The following GLIS3 variants were observed in gnomAD, a reference collection of about 807,000 sequenced individuals.
GLIS3 encodes the protein zinc finger protein GLIS3.
GLIS3 carries 53 observed loss-of-function variants against 78.6 expected under a neutral mutation model. The observed-to-expected ratio is 0.67, with a 90% CI of 0.54 to 0.85. GLIS3 has a LOEUF of 0.85. GLIS3 is among the 40% of genes least tolerant of loss of function. GLIS3 has a pLI of 0.00. For missense variants in GLIS3, 1,703 were observed against 1,231.1 expected (o/e 1.38, Z -5.74); for synonymous variants, 684 against 509.9 (o/e 1.34, Z -4.60).
chr9:3,928,010 T>C (rs1475157982), intron 6 of GLIS3, among the ~76,000 whole-genome samples: 1 of 152,222 alleles, frequency 6.6e-6, no homozygotes, highest in South Asian at 2.1e-4. Flanking sequence ...AGCATCAGGA[T>C]ATTCAGGTAT....
At chr9:4,455,091 G>C in the GLIS3 span, among the ~76,000 whole-genome samples, 3 of 152,144 alleles carry the variant, frequency 2.0e-5, no homozygotes, top group African/African-American at 4.8e-5. Context: ...CTCCAAGATA[G>C]TAATCAATTT....
chr9:4,484,959 A>G, the GLIS3 span, among the ~76,000 whole-genome samples: 2 of 145,060 alleles, frequency 1.4e-5, no homozygotes, highest in African/African-American at 5.1e-5. Context: ...ACTCCTGTAG[A>G]TAACATCATC....
At chr9:4,420,240 T>A in the GLIS3 span, among the ~76,000 whole-genome samples, 10 of 152,184 alleles carry the variant, frequency 6.6e-5, no homozygotes, top group Non-Finnish European at 1.5e-4. Context: ...AATTTGAGAA[T>A]CAAGTCCACT....
chr9:4,455,605 C>G, the GLIS3 span, among the ~76,000 whole-genome samples: 1 of 152,104 alleles, frequency 6.6e-6, no homozygotes, highest in Non-Finnish European at 1.5e-5. Context: ...AGGATTTCTC[C>G]AGTCGCTTAT....
chr9:4,134,465 T>C (rs2130952508), intron 2 of GLIS3, among the ~76,000 whole-genome samples: 2 of 152,334 alleles, frequency 1.3e-5, no homozygotes, highest in South Asian at 2.1e-4. Flanking sequence ...AATGTAACTT[T>C]GGTCATTTAG....
At chr9:4,268,723 C>A (rs1386463172) in intron 2 of GLIS3, among the ~76,000 whole-genome samples, 1 of 152,166 alleles carries the variant, frequency 6.6e-6, no homozygotes. Context: ...TAGGAACCCA[C>A]ACTTGTTGAT....
In GLIS3 at chr9:3,828,104, C is replaced by T. The variant is rs1319821033; in HGVS notation, c.*168G>A. The stretch of plus-strand genomic sequence containing the variant: ...AAAGGAGCAACTGTAATGATTCCTG[C>T]AAAGCTAGCTCTGCCATTCAGTCCT... On this transcript the variant is annotated 3_prime_UTR_variant, in exon 11 of 11. Coordinates refer to ENST00000381971, the MANE Select transcript of GLIS3 (RefSeq NM_001042413.2). The T allele has an allele frequency of 2.7e-6, 2 of 733,142 alleles. No homozygotes were observed. Among genetic ancestry groups the T allele is most frequent in the East Asian group, 2.7e-5 (1 of 37,412 alleles). 45.4% of individuals were successfully genotyped at this position (733,142 alleles called of 1,614,324 possible). A position where few individuals can be genotyped will look rare whatever the true frequency, so the allele number is the denominator to read the frequency against.
chr9:3,970,355 C>T (rs565326435), intron 4 of GLIS3, among the ~76,000 whole-genome samples: 2 of 152,116 alleles, frequency 1.3e-5, no homozygotes, highest in East Asian at 1.9e-4. Flanking sequence ...GAAGATGAAT[C>T]GTGTTGATTA....
chr9:4,369,741 T>A, the GLIS3 span, among the ~76,000 whole-genome samples: 1 of 152,116 alleles, frequency 6.6e-6, no homozygotes, highest in African/African-American at 2.4e-5. Context: ...ACTATCAGAA[T>A]CCCAAAGGAC....
the GLIS3 span, among the ~76,000 whole-genome samples, chr9:4,469,327 A>G: frequency 1.3e-5 from 2 of 152,172 alleles, no homozygotes; most frequent in African/African-American, 2.4e-5. Context: ...AATCAACAGA[A>G]TATACATTCT....
the GLIS3 span, among the ~76,000 whole-genome samples, chr9:4,422,873 T>G: frequency 3.9e-5 from 6 of 152,078 alleles, no homozygotes; most frequent in Admixed American, 3.3e-4. Context: ...GACCCTGAGA[T>G]AGAAAAAGTA....
chr9:3,977,870 G>A lies in GLIS3; in HGVS notation c.1711-40681C>T, dbSNP rs1185532201. Among the ~76,000 whole-genome samples the A allele has an allele frequency of 6.6e-6, 1 of 152,192 alleles. No individual in the cohort carries two copies. Among genetic ancestry groups the A allele is most frequent in the Non-Finnish European group, 1.5e-5 (1 of 68,040 alleles). On this transcript the variant is annotated intron_variant, in intron 4 of 10. Coordinates refer to ENST00000381971, the MANE Select transcript of GLIS3 (RefSeq NM_001042413.2). The surrounding 1 kb of genome is among the most constrained non-coding windows in gnomAD (Gnocchi z 4.1). ...GGCTGTTGCATCCAGCTGGTGAGGA[G>A]GTCTAATTTCACACCACGCAGCAAT...
At chr9:4,283,942 C>T (rs1827772964) in intron 2 of GLIS3, among the ~76,000 whole-genome samples, 1 of 152,298 alleles carries the variant, frequency 6.6e-6, no homozygotes, top group Non-Finnish European at 1.5e-5. Flanking sequence ...GCACTGTAAG[C>T]TAGGAAGCTG....
intron 4 of GLIS3, among the ~76,000 whole-genome samples, chr9:4,104,247 A>T (rs879725673): frequency 2.0e-4 from 31 of 151,994 alleles, no homozygotes; most frequent in Admixed American, 1.6e-3. Context: ...TTCCCTCCCT[A>T]AATCTCCCAT....
At chr9:4,101,712 T>C (rs1019450414) in intron 4 of GLIS3, among the ~76,000 whole-genome samples, 1 of 152,238 alleles carries the variant, frequency 6.6e-6, no homozygotes, top group African/African-American at 2.4e-5. Context: ...TTTAATCTTA[T>C]AAGCACTGCC....
At chr9:4,269,790 AAT>A in intron 2 of GLIS3, among the ~76,000 whole-genome samples, 1 of 152,332 alleles carries the variant, frequency 6.6e-6, no homozygotes, top group East Asian at 1.9e-4. Flanking sequence ...AGGGTAAAAA[AAT>A]AGTGTTGTGA....
At chr9:3,976,870 G>GAAAAAAAAA (rs540976193) in intron 4 of GLIS3, among the ~76,000 whole-genome samples, 1 of 65,054 alleles carries the variant, frequency 1.5e-5, no homozygotes, top group Non-Finnish European at 3.1e-5. Flanking sequence ...ATCTTTGGTG[G>GAAAAAAAAA]AAAAAAAAAA....
At position 4,118,101 on chromosome 9, in the gene GLIS3, TG is replaced by T. The variant is rs748645578; in HGVS notation, c.1376del (p.Pro459HisfsTer97). On this transcript the variant is annotated frameshift_variant, in exon 4 of 11. Coordinates refer to ENST00000381971, the MANE Select transcript of GLIS3 (RefSeq NM_001042413.2). LOFTEE classifies it high-confidence loss of function. The surrounding 1 kb of genome is among the most constrained non-coding windows in gnomAD (Gnocchi z 4.7). ...GGTGCGCATGGGCATGGTAAGGGGG[TG>T]GGGGGCCTGGGGGCGGCGGCAGAGG... is the stretch of plus-strand genomic sequence containing the variant. ...LPPLPPPPGP[P>X]PPYHAHAHLH... is the part of the protein sequence containing the mutation. 2.1e-6 allele frequency: 2 copies of T among 962,292 alleles called. No homozygotes were observed. The highest frequency in any genetic ancestry group is 2.4e-5 in the African/African-American group (1 of 42,450). 59.6% of individuals were successfully genotyped at this position (962,292 alleles called of 1,614,324 possible).
chr9:4,160,575 G>C (rs1300411808), intron 2 of GLIS3, among the ~76,000 whole-genome samples: 2 of 152,184 alleles, frequency 1.3e-5, no homozygotes, highest in African/African-American at 4.8e-5. Context: ...AGCTTTTCTG[G>C]AACCAAATGA....
Sources: gnomAD v4.1 joint callset for allele counts (sites outside exome capture counted in the v4.1 genomes callset) on GRCh38, gnomAD v4.1.1 for gene constraint, Gnocchi (gnomAD v3.1) non-coding constraint, MANE v1.5 for transcripts, NCBI Gene and HGNC (gene_info 2026-07-23, HGNC 2026-07-21) for gene names.